Variants in BRAT1 observed in about 807,000 individuals in gnomAD.
BRAT1 encodes integrator complex assembly factor BRAT1.
Under a neutral mutation model 70.6 loss-of-function variants are expected in BRAT1, and 74 were observed. The observed-to-expected ratio is 1.05, with a 90% CI of 0.87 to 1.27. The LOEUF is 1.27. BRAT1 is among the 50% of genes most tolerant of loss of function. The pLI is 0.00. For synonymous variants in BRAT1, 615 were observed against 517.1 expected, an observed-to-expected ratio of 1.19 and a Z score of -2.57; for missense variants, 1,203 against 1,098.2, an observed-to-expected ratio of 1.10 and a Z score of -1.35.
rs1251185948 is a variant in BRAT1 at position 2,538,084 on chromosome 7, C to T, written c.2451G>A (p.Glu817=). 1 of 1,572,952 alleles carries T rather than the reference C, an allele frequency of 6.4e-7. No homozygotes were observed. Among genetic ancestry groups the T allele is most frequent in the South Asian group, 1.2e-5 (1 of 86,686 alleles). ...CTGGTTCTGCTCAGTAGCAGTCGGC[C>T]TCGTCCCCCTGCAGGAAGCCTCCCG... ...LATGGFLQGD[E]ADCY The change falls in exon 14 of 14, where the codon GAG becomes GAA. Residue 817 remains glutamate, a synonymous_variant. Coordinates refer to ENST00000340611, the MANE Select transcript of BRAT1 (RefSeq NM_152743.4).
chr7:2,550,466 T>A (rs1583332311), intron 2 of BRAT1, among the ~76,000 whole-genome samples: 11 of 19,236 alleles, frequency 5.7e-4, no homozygotes, highest in Non-Finnish European at 8.6e-4. Flanking sequence ...AGACTCCATC[T>A]CAAAAAAAAA....
Position 2,541,234 on chromosome 7 carries a change from G to T in BRAT1, c.1321+64C>A. The T allele has an allele frequency of 2.0e-6, 3 of 1,508,940 alleles. No individual in the cohort carries two copies. The South Asian group carries it at 4.0e-5, about 20-fold the overall frequency. 93.5% of individuals were successfully genotyped at this position (1,508,940 alleles called of 1,614,324 possible). On this transcript the variant is annotated intron_variant, in intron 9 of 13. Coordinates refer to ENST00000340611, the MANE Select transcript of BRAT1 (RefSeq NM_152743.4). ...GGGACAGCAGTTCCCGGGTGCCTCC[G>T]AGCAGAAAGGAGAGTGGGGGCACAG...
At position 2,547,455 on chromosome 7, in the gene BRAT1, C is replaced by T; in HGVS notation, c.151G>A (p.Glu51Lys). Reference sequence around the variant, plus strand: ...AGCAGCTCCACCAGGCAGGGGTGCTCCTGCAGCAGCACGACACTGGACTCT... The same window carrying T: ...AGCAGCTCCACCAGGCAGGGGTGCTTCTGCAGCAGCACGACACTGGACTCT... ...EGESSVVLLQ[E>K]HPCLVELLSH... is the part of the protein sequence containing the mutation. Residue 51 changes from glutamate to lysine, a missense_variant, in exon 3 of 14, where the codon GAG becomes AAG. By Grantham distance (56) the Glu-to-Lys change is moderately conservative (BLOSUM62 1). Coordinates refer to ENST00000340611, the MANE Select transcript of BRAT1 (RefSeq NM_152743.4). The T allele has an allele frequency of 6.2e-7, 1 of 1,614,010 alleles. No individual in the cohort carries two copies. Among genetic ancestry groups the T allele is most frequent in the African/African-American group, 1.3e-5 (1 of 75,036 alleles).
intron 3 of BRAT1, among the ~76,000 whole-genome samples, chr7:2,545,554 A>G (rs1027207418): frequency 4.1e-5 from 6 of 146,198 alleles, no homozygotes. Context: ...GCAGTGGCAC[A>G]TCTCGGCTCA....
intron 9 of BRAT1, 42 bp from the exon 10 acceptor site, chr7:2,541,094 CTAGGACCCT>C: frequency 6.6e-7 from 1 of 1,504,508 alleles, no homozygotes; most frequent in South Asian, 1.3e-5. Flanking sequence ...CACCCCCACC[CTAGGACCCT>C]CCCCATCAAC....
intron 2 of BRAT1, among the ~76,000 whole-genome samples, chr7:2,551,477 G>A (rs1256439541): frequency 6.6e-6 from 1 of 151,566 alleles, no homozygotes; most frequent in African/African-American, 2.4e-5. Flanking sequence ...GACTGCTTGA[G>A]CCCAGGAGTT....
intron 2 of BRAT1, among the ~76,000 whole-genome samples, chr7:2,548,293 G>A (rs1332641029): frequency 1.3e-5 from 2 of 152,100 alleles, no homozygotes; most frequent in African/African-American, 4.8e-5. Context: ...AAGGTTGGGA[G>A]AGTTTCCCAG....
In BRAT1 at chr7:2,542,353, C is replaced by G. The variant is rs1222277735; in HGVS notation, c.924-142G>C. The G allele has an allele frequency of 2.1e-4, 152 of 709,914 alleles. 1 individual carries two copies. The highest frequency in any genetic ancestry group is 4.9e-6 in the Non-Finnish European group (2 of 410,548). The allele number at this position is 709,914 out of a possible 1,614,324, so 44.0% of individuals were successfully genotyped here. ...GAAACATTCTCTGCAGGCCACTGGCCAGGGGATGCCATGGGACAGAGTGGC... is the reference window on the plus strand; with the variant it reads ...GAAACATTCTCTGCAGGCCACTGGCGAGGGGATGCCATGGGACAGAGTGGC... On this transcript the variant is annotated intron_variant, in intron 6 of 13. Transcript: ENST00000340611.
intron 2 of BRAT1, among the ~76,000 whole-genome samples, chr7:2,549,099 C>G (rs1779817533): frequency 6.6e-6 from 1 of 152,182 alleles, no homozygotes; most frequent in Non-Finnish European, 1.5e-5. Context: ...GCCTGAAGTT[C>G]AAGTGCTCTG....
At chr7:2,540,147 T>C (rs1420866452) in intron 10 of BRAT1, 3 of 437,754 alleles carry the variant, frequency 6.9e-6, no homozygotes, top group African/African-American at 6.2e-5. Flanking sequence ...GCCTCATGAG[T>C]AGCTGGGGCT....
In BRAT1 at chr7:2,541,711, CACCT is replaced by C; in HGVS notation, c.1134+3_1134+6del. On this transcript the variant is annotated splice_donor_5th_base_variant and intron_variant, in intron 8 of 13. Transcript: ENST00000340611. ...GCTGGGCTGCATGAGGACCGGGCCG[CACCT>C]ACCAGCGGCTGCAGCTCCTCCAGGT... 6.2e-7 allele frequency: 1 copy of C among 1,604,260 alleles called. No homozygotes were observed. Among genetic ancestry groups the C allele is most frequent in the Non-Finnish European group, 8.5e-7 (1 of 1,176,806 alleles).
rs758287252 is a variant in BRAT1 at position 2,543,299 on chromosome 7, G to A, written c.828C>T (p.Asp276=). 1.4e-5 allele frequency: 22 copies of A among 1,607,934 alleles called. No individual in the cohort carries two copies. Among genetic ancestry groups the A allele is most frequent in the South Asian group, 2.2e-5 (2 of 90,648 alleles). ...GCGCCACTGTCTCCCACAGGCTGCC[G>A]TCGGAAGAACTGAACACGGGAGAAC... The part of the protein sequence containing the change: ...VARSPVFSSS[D]GSLWETVARA... Residue 276 remains aspartate, a synonymous_variant, in exon 6 of 14, where the codon GAC becomes GAT. Coordinates refer to ENST00000340611, the MANE Select transcript of BRAT1 (RefSeq NM_152743.4). The surrounding 1 kb of genome is among the most constrained non-coding windows in gnomAD (Gnocchi z 5.5).
At chr7:2,542,056 A>G in intron 7 of BRAT1, 64 bp downstream of exon 7, 1 of 1,407,362 alleles carries the variant, frequency 7.1e-7, no homozygotes, top group Non-Finnish European at 9.5e-7. Context: ...ACTCTCATCC[A>G]TCTCCCTTCC....
At chr7:2,539,032 C>T (rs1778924731) in intron 13 of BRAT1, 147 bp downstream of exon 13, 1 of 1,442,916 alleles carries the variant, frequency 6.9e-7, no homozygotes. Flanking sequence ...AGCACAGCCC[C>T]AGGGCCTCGG....
chr7:2,541,185 C>A, intron 9 of BRAT1, 113 bp downstream of exon 9: 2 of 1,426,166 alleles, frequency 1.4e-6, no homozygotes, highest in Non-Finnish European at 1.9e-6. Flanking sequence ...CCCCTCAGCC[C>A]CCACCCCAGA....
chr7:2,555,229 G>A (rs967386019), intron 1 of BRAT1, among the ~76,000 whole-genome samples: 1 of 152,146 alleles, frequency 6.6e-6, no homozygotes, highest in Non-Finnish European at 1.5e-5. Flanking sequence ...GGCACCGTCT[G>A]CCAATGCCCG....
intron 2 of BRAT1, among the ~76,000 whole-genome samples, chr7:2,551,263 A>C (rs1779984912): frequency 6.7e-6 from 1 of 149,948 alleles, no homozygotes; most frequent in African/African-American, 2.4e-5. Context: ...ATCTATATCT[A>C]TATATATATC....
chr7:2,552,615 A>T (rs1562594488), intron 2 of BRAT1, among the ~76,000 whole-genome samples: 1 of 152,100 alleles, frequency 6.6e-6, no homozygotes, highest in African/African-American at 2.4e-5. Context: ...AACACGGTAA[A>T]CCAAAAAAAG....
At chr7:2,538,810 G>A in intron 13 of BRAT1, 46 bp from the exon 14 acceptor site, 1 of 1,593,246 alleles carries the variant, frequency 6.3e-7, no homozygotes, top group Non-Finnish European at 8.5e-7. Flanking sequence ...GGTGGCAGGA[G>A]CGAGGCTCCC....
Sources: gnomAD v4.1 joint callset for allele counts (sites outside exome capture counted in the v4.1 genomes callset) on GRCh38, gnomAD v4.1.1 for gene constraint, Gnocchi (gnomAD v3.1) non-coding constraint, MANE v1.5 for transcripts, NCBI Gene and HGNC (gene_info 2026-07-23, HGNC 2026-07-21) for gene names.